Variants in STAC observed in about 807,000 individuals in gnomAD.
STAC encodes the protein SH3 and cysteine rich domain, also known as SH3 and cysteine-rich domain-containing protein.
In STAC, 43 loss-of-function variants were observed where a neutral mutation model predicts 48.8. That is an observed-to-expected ratio of 0.88 (90% CI 0.69 to 1.14). STAC has a LOEUF of 1.14. STAC is among the 50% of genes most tolerant of loss of function. The pLI is 0.00. For synonymous variants in STAC, 193 were observed against 179.5 expected, an observed-to-expected ratio of 1.07 and a Z score of -0.60; for missense variants, 497 against 504.0, an observed-to-expected ratio of 0.99 and a Z score of 0.13.
chr3:36,490,496 G>A (rs1011609295), intron 5 of STAC, among the ~76,000 whole-genome samples: 2 of 152,156 alleles, frequency 1.3e-5, no homozygotes, highest in Non-Finnish European at 2.9e-5. Flanking sequence ...AGAGCCAGTA[G>A]GTCATCTCAC....
chr3:36,521,319 A>C (rs1698800018), intron 8 of STAC, among the ~76,000 whole-genome samples: 1 of 152,082 alleles, frequency 6.6e-6, no homozygotes, highest in South Asian at 2.1e-4. Flanking sequence ...GATTTAGTGG[A>C]GTTAGTTATA....
At chr3:36,464,444 TA>T (rs1391978968) in intron 2 of STAC, among the ~76,000 whole-genome samples, 9 of 152,158 alleles carry the variant, frequency 5.9e-5, no homozygotes, top group Admixed American at 1.3e-4. Flanking sequence ...ATTTTTAATT[TA>T]TTTTTTTATT....
intron 2 of STAC, among the ~76,000 whole-genome samples, chr3:36,459,695 T>C (rs571005698): frequency 2.0e-5 from 3 of 152,350 alleles, no homozygotes; most frequent in East Asian, 3.9e-4. Context: ...TATTCTTTTA[T>C]TCCTGATTTC....
rs930464851 is a variant in STAC, at chr3:36,443,725, G to C, written c.388+85G>C. The C allele has an allele frequency of 2.0e-6, 3 of 1,516,646 alleles. No individual in the cohort carries two copies. The highest frequency in any genetic ancestry group is 3.6e-5 in the Admixed American group (2 of 56,334). 93.9% of individuals were successfully genotyped at this position (1,516,646 alleles called of 1,614,324 possible). A position where few individuals can be genotyped will look rare whatever the true frequency, so the allele number is the denominator to read the frequency against. ...GTGTGCCACGGGTCCAGGTACCTAC[G>C]GACAGATGCTAGGCCTCAGAGATTT... is the stretch of plus-strand genomic sequence containing the variant. On this transcript the variant is annotated intron_variant, in intron 2 of 10. Coordinates refer to ENST00000273183, the MANE Select transcript of STAC (RefSeq NM_003149.3). This position sits in a 1 kb window ranked among gnomAD's most constrained non-coding sequence, Gnocchi z 4.2.
intron 2 of STAC, chr3:36,459,204 T>TC (rs1166436330): frequency 6.6e-6 from 1 of 152,174 alleles, no homozygotes; most frequent in African/African-American, 2.4e-5. Context: ...TTTCTTTTTT[T>TC]CCCCACAGAT....
At chr3:36,383,437 G>A (rs1258262689) in intron 1 of STAC, among the ~76,000 whole-genome samples, 1 of 152,082 alleles carries the variant, frequency 6.6e-6, no homozygotes, top group Non-Finnish European at 1.5e-5. Flanking sequence ...TTCATGGACA[G>A]TATTGTTTTA....
chr3:36,494,151 C>CAAA (rs751587518), intron 6 of STAC, among the ~76,000 whole-genome samples: 63 of 56,720 alleles, frequency 1.1e-3, no homozygotes, highest in East Asian at 2.7e-3. Flanking sequence ...GACTCCGTCT[C>CAAA]AAAAAAAAAA....
At chr3:36,508,231 T>G (rs1281631278) in intron 8 of STAC, among the ~76,000 whole-genome samples, 1 of 152,222 alleles carries the variant, frequency 6.6e-6, no homozygotes, top group Non-Finnish European at 1.5e-5. Context: ...TGTGTGGTTT[T>G]GAGTGAGTTT....
chr3:36,475,781 T>C (rs1697477516), intron 2 of STAC, among the ~76,000 whole-genome samples: 1 of 152,118 alleles, frequency 6.6e-6, no homozygotes, highest in Admixed American at 6.5e-5. Flanking sequence ...CAACATCTAC[T>C]TTGAGGAGAG....
chr3:36,530,551 T>C (rs941292493), intron 10 of STAC, among the ~76,000 whole-genome samples: 3 of 151,632 alleles, frequency 2.0e-5, no homozygotes, highest in Non-Finnish European at 2.9e-5. Flanking sequence ...CTAACAAATA[T>C]ATCCTCAAAG....
At chr3:36,467,499 T>G (rs1375545628) in intron 2 of STAC, among the ~76,000 whole-genome samples, 1 of 152,130 alleles carries the variant, frequency 6.6e-6, no homozygotes, top group Admixed American at 6.6e-5. Flanking sequence ...GCAATTTTTT[T>G]GTTGCCATTT....
chr3:36,459,296 G>A (rs964260280), intron 2 of STAC: 5 of 152,210 alleles, frequency 3.3e-5, no homozygotes, highest in Admixed American at 6.5e-5. Flanking sequence ...CAAAGTACTA[G>A]GGAAAGCCAC....
intron 1 of STAC, among the ~76,000 whole-genome samples, chr3:36,439,968 A>G (rs956905950): frequency 6.6e-6 from 1 of 152,000 alleles, no homozygotes; most frequent in Non-Finnish European, 1.5e-5. Flanking sequence ...GACAGTTCTG[A>G]CTCCTCTGTT....
At chr3:36,500,934 T>C (rs943875770) in intron 6 of STAC, among the ~76,000 whole-genome samples, 2 of 151,956 alleles carry the variant, frequency 1.3e-5, no homozygotes, top group African/African-American at 4.8e-5. Context: ...CTACACAGAA[T>C]TTAAGAAAAT....
At chr3:36,460,181 C>T (rs1696970526) in intron 2 of STAC, among the ~76,000 whole-genome samples, 1 of 151,976 alleles carries the variant, frequency 6.6e-6, no homozygotes, top group South Asian at 2.1e-4. Flanking sequence ...TGCCCTATAG[C>T]CTTAGACCAA....
chr3:36,420,318 T>C (rs948648003), intron 1 of STAC, among the ~76,000 whole-genome samples: 2 of 152,218 alleles, frequency 1.3e-5, no homozygotes, highest in African/African-American at 2.4e-5. Context: ...TTTTTCTCCA[T>C]ATAAAATGAG....
At chr3:36,469,769 A>AT (rs550795826) in intron 2 of STAC, among the ~76,000 whole-genome samples, 2,142 of 148,860 alleles carry the variant, frequency 0.014, 22 homozygotes, top group Non-Finnish European at 0.021. Flanking sequence ...TTTTTTTTTT[A>AT]TTTTTTTTTA....
chr3:36,486,343 T>A, intron 5 of STAC, 94 bp downstream of exon 5: 1 of 1,090,200 alleles, frequency 9.2e-7, no homozygotes, highest in Non-Finnish European at 1.3e-6. Context: ...CCTGACTGCC[T>A]CATGAGGGCA....
chr3:36,528,764 C>T lies in STAC; in HGVS notation c.972+17C>T. ...TGGTGGAAAGTAAGTGTTCCTCTTT[C>T]TTTAAAAAAAAAAGAGAAAATCATT... On this transcript the variant is annotated intron_variant, in intron 9 of 10. Coordinates refer to ENST00000273183, the MANE Select transcript of STAC (RefSeq NM_003149.3). 1 of 1,595,836 alleles carries T rather than the reference C, an allele frequency of 6.3e-7. No homozygotes were observed. The highest frequency in any genetic ancestry group is 2.3e-5 in the East Asian group (1 of 44,110).
Sources: gnomAD v4.1 joint callset for allele counts (sites outside exome capture counted in the v4.1 genomes callset) on GRCh38, gnomAD v4.1.1 for gene constraint, Gnocchi (gnomAD v3.1) non-coding constraint, MANE v1.5 for transcripts, NCBI Gene and HGNC (gene_info 2026-07-23, HGNC 2026-07-21) for gene names.